Variants in FOXN3 observed in about 807,000 individuals in gnomAD.
FOXN3 encodes forkhead box N3.
In FOXN3, 7 loss-of-function variants were observed where a neutral mutation model predicts 38.4. The ratio of observed to expected loss-of-function variants is 0.18; its 90% CI spans 0.10 to 0.34. FOXN3 has a LOEUF of 0.34. Among genes scored for constraint, FOXN3 ranks in the 10% least tolerant of loss-of-function variants. The pLI, the probability that FOXN3 is intolerant of heterozygous loss-of-function variation, is 1.00. For synonymous variants in FOXN3, 230 were observed against 242.2 expected (o/e 0.95, Z 0.47); for missense variants, 456 against 613.4 (o/e 0.74, Z 2.71).
At chr14:89,371,976 G>A (rs373146070) in intron 2 of FOXN3, among the ~76,000 whole-genome samples, 17 of 152,088 alleles carry the variant, frequency 1.1e-4, no homozygotes, top group Admixed American at 5.9e-4. Context: ...GTGCACCCCC[G>A]GCTTTGCTAG....
At chr14:89,251,179 G>A (rs1240453824) in intron 4 of FOXN3, among the ~76,000 whole-genome samples, 1 of 152,182 alleles carries the variant, frequency 6.6e-6, no homozygotes, top group African/African-American at 2.4e-5. Context: ...CTTAGAAGGT[G>A]GCATTTCCTC....
At chr14:89,491,661 G>C (rs1403902855) in intron 1 of FOXN3, among the ~76,000 whole-genome samples, 1 of 152,224 alleles carries the variant, frequency 6.6e-6, no homozygotes, top group Non-Finnish European at 1.5e-5. Context: ...GGGCAATGGA[G>C]ACTCCAGATG....
At chr14:89,443,981 C>T (rs1029611635) in intron 1 of FOXN3, among the ~76,000 whole-genome samples, 3 of 130,074 alleles carry the variant, frequency 2.3e-5, no homozygotes, top group Admixed American at 1.7e-4. Flanking sequence ...TGCATTCCAG[C>T]CTGGGCAACA....
intron 2 of FOXN3, among the ~76,000 whole-genome samples, chr14:89,405,152 T>G (rs1891354782): frequency 6.6e-6 from 1 of 152,120 alleles, no homozygotes; most frequent in Non-Finnish European, 1.5e-5. Flanking sequence ...TGTTTTTCTT[T>G]TTGAGACAGA....
chr14:89,438,839 C>T (rs144703444), intron 1 of FOXN3, among the ~76,000 whole-genome samples: 1 of 152,138 alleles, frequency 6.6e-6, no homozygotes, highest in African/African-American at 2.4e-5. Context: ...TCTCGGCCCA[C>T]TGCAACCTCC....
At chr14:89,283,654 G>A (rs952195930) in intron 3 of FOXN3, among the ~76,000 whole-genome samples, 1 of 151,900 alleles carries the variant, frequency 6.6e-6, no homozygotes, top group Non-Finnish European at 1.5e-5. Flanking sequence ...AATGGGGTGC[G>A]CTCCATACCC....
chr14:89,288,625 A>C, intron 3 of FOXN3, among the ~76,000 whole-genome samples: 1 of 148,608 alleles, frequency 6.7e-6, no homozygotes. Context: ...AAGATATTTT[A>C]AAAATGGAAA....
intron 4 of FOXN3, among the ~76,000 whole-genome samples, chr14:89,191,547 C>A (rs1887943150): frequency 6.6e-6 from 1 of 152,076 alleles, no homozygotes; most frequent in South Asian, 2.1e-4. Context: ...AAATTACATA[C>A]CAAAAAATTC....
chr14:89,208,830 G>A (rs1471494335), intron 4 of FOXN3, among the ~76,000 whole-genome samples: 1 of 152,180 alleles, frequency 6.6e-6, no homozygotes, highest in Non-Finnish European at 1.5e-5. Flanking sequence ...GGCTGAGACA[G>A]GAGCCAGGTT....
intron 1 of FOXN3, among the ~76,000 whole-genome samples, chr14:89,549,012 G>A (rs550170531): frequency 5.1e-4 from 77 of 151,844 alleles, no homozygotes; most frequent in African/African-American, 1.1e-3. Context: ...CCAGCTACTC[G>A]GGAGGCTGAG....
At position 89,204,133 on chromosome 14, in the gene FOXN3, T is replaced by G. The variant is rs544620179; in HGVS notation, c.746-23327A>C. On this transcript the variant is annotated intron_variant, in intron 4 of 5. Coordinates refer to ENST00000557258, the MANE Select transcript of FOXN3 (RefSeq NM_005197.4). Reference sequence around the variant, plus strand: ...CTACTACAACCACCCACAGGAGCGATCTCTCTCTTTCTCCCTTAGAAACCC... The same window carrying G: ...CTACTACAACCACCCACAGGAGCGAGCTCTCTCTTTCTCCCTTAGAAACCC... 2.0e-5 allele frequency among the ~76,000 whole-genome samples: 3 copies of G among 151,754 alleles called. No individual in the cohort carries two copies. In the South Asian group the frequency reaches 6.3e-4, roughly 32 times the overall value.
intron 4 of FOXN3, among the ~76,000 whole-genome samples, chr14:89,249,649 G>A (rs767049229): frequency 6.6e-6 from 1 of 152,182 alleles, no homozygotes; most frequent in Non-Finnish European, 1.5e-5. Context: ...AGGGACTCTT[G>A]GCTGTAGAGG....
chr14:89,160,927 A>G lies in FOXN3; in HGVS notation c.*1487T>C, dbSNP rs1887082807. 6.6e-6 allele frequency: 1 copy of G among 152,366 alleles called. No homozygotes were observed. The highest frequency in any genetic ancestry group is 1.5e-5 in the Non-Finnish European group (1 of 68,042). 9.4% of individuals were successfully genotyped at this position (152,366 alleles called of 1,614,324 possible). The stretch of plus-strand genomic sequence containing the variant: ...AAACAAAAACAAAAACAAAAAGGAA[A>G]AAAAGAAAGCAAAGAAAAGGAAAGA... On this transcript the variant is annotated 3_prime_UTR_variant, in exon 6 of 6. Transcript: ENST00000557258.
intron 1 of FOXN3, among the ~76,000 whole-genome samples, chr14:89,439,432 G>A (rs1021526866): frequency 1.3e-5 from 2 of 152,080 alleles, no homozygotes; most frequent in Non-Finnish European, 2.9e-5. Context: ...AAACCAAGAT[G>A]GTGACGAGAG....
At chr14:89,395,772 T>TG (rs1891083740) in intron 2 of FOXN3, among the ~76,000 whole-genome samples, 1 of 152,050 alleles carries the variant, frequency 6.6e-6, no homozygotes. Flanking sequence ...TTATTATTTC[T>TG]GGGAAAAAAT....
At position 89,461,099 on chromosome 14, in the gene FOXN3, C is replaced by T. The variant is rs182693784; in HGVS notation, c.-14-48609G>A. 4.3e-3 allele frequency among the ~76,000 whole-genome samples: 652 copies of T among 151,736 alleles called. 6 individuals carry two copies. The highest frequency in any genetic ancestry group is 2.8e-3 in the Non-Finnish European group (190 of 67,916). On this transcript the variant is annotated intron_variant, in intron 1 of 6. Transcript: ENST00000345097. ...CTGTAATCCCAGCACTTTGGGAGGC[C>T]GAGGCAGGCGGATCACGAGGTCAAG...
intron 1 of FOXN3, among the ~76,000 whole-genome samples, chr14:89,600,564 T>G (rs1896135831): frequency 1.3e-5 from 2 of 152,214 alleles, no homozygotes; most frequent in South Asian, 4.1e-4. Flanking sequence ...ATAAATTAAT[T>G]TAAAAGTCAC....
chr14:89,373,348 G>T (rs1342908374), intron 2 of FOXN3, among the ~76,000 whole-genome samples: 1 of 152,028 alleles, frequency 6.6e-6, no homozygotes. Flanking sequence ...ATAGTGGGGT[G>T]CTGGTTACCT....
At chr14:89,326,577 G>A (rs973105822) in intron 3 of FOXN3, among the ~76,000 whole-genome samples, 15 of 152,132 alleles carry the variant, frequency 9.9e-5, no homozygotes, top group African/African-American at 2.7e-4. Context: ...GATCTCTCCT[G>A]TTCCCATAAA....
Sources: allele counts gnomAD v4.1 joint callset (sites outside exome capture counted in the v4.1 genomes callset), GRCh38; gene constraint gnomAD v4.1.1; transcripts MANE v1.5; gene names NCBI Gene and HGNC (gene_info 2026-07-23, HGNC 2026-07-21).